Variants in RAPSN observed in about 807,000 individuals in gnomAD.
RAPSN encodes the protein 43 kDa receptor-associated protein of the synapse.
RAPSN carries 33 observed loss-of-function variants against 45.7 expected under a neutral mutation model. The observed-to-expected ratio is 0.72, with a 90% CI of 0.55 to 0.97. The LOEUF (loss-of-function observed/expected upper bound fraction) is 0.97. Ranked by LOEUF, RAPSN falls within the 50% of genes least tolerant of loss-of-function variation. The pLI is 0.00. For missense variants in RAPSN, 519 were observed against 559.4 expected (o/e 0.93, Z 0.73); for synonymous variants, 244 against 233.6 (o/e 1.04, Z -0.40).
intron 2 of RAPSN, among the ~76,000 whole-genome samples, chr11:47,446,347 C>T (rs2076406846): frequency 6.6e-6 from 1 of 151,976 alleles, no homozygotes; most frequent in African/African-American, 2.4e-5. Context: ...GCTTACTTTT[C>T]TTCAGAATTA....
intron 7 of RAPSN, 32 bp downstream of exon 7, chr11:47,438,700 C>T (rs781349548): frequency 1.3e-5 from 20 of 1,550,840 alleles, no homozygotes; most frequent in Non-Finnish European, 1.7e-5. Context: ...GAGATCCTGC[C>T]CACCCCTGTC....
At chr11:47,439,702 G>C (rs1217543682) in intron 6 of RAPSN, among the ~76,000 whole-genome samples, 3 of 132,990 alleles carry the variant, frequency 2.3e-5, no homozygotes, top group Non-Finnish European at 4.6e-5. Flanking sequence ...GTTTTAATAA[G>C]ATTATGACGA....
In RAPSN at chr11:47,438,797, G is replaced by A. The variant is rs777588068; in HGVS notation, c.1101C>T (p.Gly367=). 21 of 1,569,636 alleles carry A rather than the reference G, an allele frequency of 1.3e-5. No individual in the cohort carries two copies. The African/African-American group carries it at 1.3e-4, about 10-fold the overall frequency. ...GGCTGTTCTTCTCGCCTATGGACTC[G>A]CCGCACAGGCCGCAGTAGAGCTCCG... ...EETELYCGLC[G]ESIGEKNSRL... is the part of the protein sequence containing the mutation. The change falls in exon 7 of 8, where the codon GGC becomes GGT. Residue 367 remains glycine (G), a synonymous_variant. Coordinates refer to ENST00000298854, the MANE Select transcript of RAPSN (RefSeq NM_005055.5).
Position 47,448,806 on chromosome 11 carries a change from G to A in RAPSN, c.159C>T (p.His53=). Residue 53 remains histidine (H), a synonymous_variant, in exon 1 of 8, where the codon CAC becomes CAT. Coordinates refer to ENST00000298854, the MANE Select transcript of RAPSN (RefSeq NM_005055.5). ...FRVLGCLVTA[H]SEMGRYKEML... is the part of the protein sequence containing the mutation. ...TCTCCTTGTAGCGGCCCATCTCCGA[G>A]TGGGCTGTGACCAGGCAGCCCAGCA... 1 of 1,612,918 alleles carries A rather than the reference G, an allele frequency of 6.2e-7. No individual in the cohort carries two copies. The highest frequency in any genetic ancestry group is 8.5e-7 in the Non-Finnish European group (1 of 1,180,018).
chr11:47,441,610 C>T lies in RAPSN; in HGVS notation c.912+1G>A. The T allele has an allele frequency of 6.2e-7, 1 of 1,605,838 alleles. No individual in the cohort carries two copies. The highest frequency in any genetic ancestry group is 1.3e-5 in the African/African-American group (1 of 75,046). On this transcript the variant is annotated splice_donor_variant, in intron 5 of 7. Coordinates refer to ENST00000298854, the MANE Select transcript of RAPSN (RefSeq NM_005055.5). LOFTEE classifies it high-confidence loss of function. ...AGGCTGTGGGAAAGGCCCGACCTCA[C>T]CTTGTCCAGCGCCTTCCTGGCCACC...
intron 3 of RAPSN, 47 bp from the exon 4 acceptor site, chr11:47,441,968 C>T (rs1161970815): frequency 6.6e-7 from 1 of 1,521,574 alleles, no homozygotes; most frequent in Non-Finnish European, 8.8e-7. Flanking sequence ...GCCACCACCA[C>T]TGGAGTGCCC....
chr11:47,448,854 C>T lies in RAPSN; in HGVS notation c.111G>A (p.Ser37=), dbSNP rs146825957. Residue 37 remains serine (S), a synonymous_variant, in exon 1 of 8, where the codon TCG becomes TCA. Transcript: ENST00000298854. The part of the protein sequence containing the change: ...QVWTKVLEKS[S]DLMGRFRVLG... Reference sequence around the variant, plus strand: ...GCACGCGGAAGCGCCCCATGAGGTCCGAGCTCTTCTCCAGCACCTTTGTCC... The same window carrying T: ...GCACGCGGAAGCGCCCCATGAGGTCTGAGCTCTTCTCCAGCACCTTTGTCC... The T allele has an allele frequency of 2.0e-5, 33 of 1,614,154 alleles. No individual in the cohort carries two copies. Among genetic ancestry groups the T allele is most frequent in the Admixed American group, 2.0e-4 (12 of 60,034 alleles).
intron 2 of RAPSN, among the ~76,000 whole-genome samples, chr11:47,447,201 C>A (rs1031873878): frequency 6.6e-6 from 1 of 152,114 alleles, no homozygotes; most frequent in African/African-American, 2.4e-5. Context: ...TCTGCGAGGC[C>A]CTCCGACCAC....
intron 2 of RAPSN, 107 bp from the exon 3 acceptor site, chr11:47,442,921 C>T (rs974271215): frequency 3.1e-5 from 48 of 1,551,676 alleles, no homozygotes; most frequent in Non-Finnish European, 3.7e-5. Flanking sequence ...GCAGGGGGCC[C>T]GAGTGTCTGC....
Position 47,448,977 on chromosome 11 carries a change from C to G in RAPSN, c.-13G>C. On this transcript the variant is annotated 5_prime_UTR_variant, in exon 1 of 8. Coordinates refer to ENST00000298854, the MANE Select transcript of RAPSN (RefSeq NM_005055.5). Reference sequence around the variant, plus strand: ...GGTCCTGCCCCATCCTCCCCAAGCCCTGTGTCCCACGTGGGGTGATCCCTG... The same window carrying G: ...GGTCCTGCCCCATCCTCCCCAAGCCGTGTGTCCCACGTGGGGTGATCCCTG... 6.2e-7 allele frequency: 1 copy of G among 1,614,242 alleles called. No individual in the cohort carries two copies. The highest frequency in any genetic ancestry group is 1.3e-5 in the African/African-American group (1 of 75,068).
intron 6 of RAPSN, among the ~76,000 whole-genome samples, chr11:47,439,883 T>C (rs1045081493): frequency 1.3e-5 from 2 of 151,918 alleles, no homozygotes; most frequent in Non-Finnish European, 2.9e-5. Context: ...TGGCTAATTT[T>C]TGTATTTTTA....
chr11:47,443,831 G>A (rs1474830907), intron 2 of RAPSN, among the ~76,000 whole-genome samples: 4 of 150,252 alleles, frequency 2.7e-5, no homozygotes, highest in African/African-American at 9.8e-5. Flanking sequence ...TCAAGAGGCT[G>A]AGGTGGGAGA....
At chr11:47,448,650 G>A (rs773776322) in intron 1 of RAPSN, 123 bp downstream of exon 1, 5 of 1,263,910 alleles carry the variant, frequency 4.0e-6, no homozygotes, top group South Asian at 2.6e-5. Flanking sequence ...TCAGAGCCTC[G>A]GGCCCTGGCT....
chr11:47,438,909 C>G lies in RAPSN; in HGVS notation c.989G>C (p.Cys330Ser). The change falls in exon 7 of 8, where the codon TGT becomes TCT. Residue 330 changes from cysteine to serine, a missense_variant. Coordinates refer to ENST00000298854, the MANE Select transcript of RAPSN (RefSeq NM_005055.5). The stretch of plus-strand genomic sequence containing the variant: ...GCTGCGGTAAATGCTCTCGCTCAGA[C>G]AGTGCAGCTTGAGCTGGCTCAGCTG... ...GNKLSQLKLH[C>S]LSESIYRSKG... 6.4e-7 allele frequency: 1 copy of G among 1,560,720 alleles called. No homozygotes were observed. Among genetic ancestry groups the G allele is most frequent in the African/African-American group, 1.4e-5 (1 of 73,936 alleles).
At position 47,449,087 on chromosome 11, in the gene RAPSN, G is replaced by C; in HGVS notation, c.-123C>G. On this transcript the variant is annotated 5_prime_UTR_variant, in exon 1 of 8. Transcript: ENST00000298854. Reference sequence around the variant, plus strand: ...AACGTGGGAACAAAAGCAGCGTCGGGTGGGAGCCGGAATGGGGCCTGGATG... The same window carrying C: ...AACGTGGGAACAAAAGCAGCGTCGGCTGGGAGCCGGAATGGGGCCTGGATG... 2.5e-6 allele frequency: 3 copies of C among 1,217,692 alleles called. No homozygotes were observed. The highest frequency in any genetic ancestry group is 3.6e-6 in the Non-Finnish European group (3 of 842,076). 75.4% of individuals were successfully genotyped at this position (1,217,692 alleles called of 1,614,324 possible).
intron 7 of RAPSN, 118 bp downstream of exon 7, chr11:47,438,614 C>A: frequency 1.6e-6 from 2 of 1,287,616 alleles, no homozygotes; most frequent in East Asian, 2.5e-5. Flanking sequence ...TGAGGCACCA[C>A]GCCTGGCCAA....
chr11:47,447,763 G>A (rs758397890), intron 2 of RAPSN, 49 bp downstream of exon 2: 6 of 1,559,510 alleles, frequency 3.8e-6, no homozygotes, highest in South Asian at 3.5e-5. Context: ...CCTCATGAGA[G>A]GGGAGCCCCA....
intron 6 of RAPSN, 49 bp from the exon 7 acceptor site, chr11:47,438,980 C>A: frequency 1.3e-6 from 2 of 1,536,172 alleles, no homozygotes; most frequent in South Asian, 2.4e-5. Flanking sequence ...AGAACAAAGT[C>A]AGTGCAGGTA....
chr11:47,443,958 A>T (rs1335042081), intron 2 of RAPSN, among the ~76,000 whole-genome samples: 1 of 144,518 alleles, frequency 6.9e-6, no homozygotes, highest in Admixed American at 6.9e-5. Context: ...AAAAAAAAAA[A>T]AGAAAAGAAA....
Sources: gnomAD v4.1 joint callset for allele counts (sites outside exome capture counted in the v4.1 genomes callset) on GRCh38, gnomAD v4.1.1 for gene constraint, MANE v1.5 for transcripts, NCBI Gene and HGNC (gene_info 2026-07-23, HGNC 2026-07-21) for gene names.